Variants in RNF217 observed in about 807,000 individuals in gnomAD.
RNF217 encodes ring finger protein 217.
RNF217 carries 31 observed loss-of-function variants against 57.8 expected under a neutral mutation model. That is an observed-to-expected ratio of 0.54 (90% CI 0.40 to 0.72). The LOEUF is 0.72. Among genes scored for constraint, RNF217 ranks in the 30% least tolerant of loss-of-function variants. RNF217 has a pLI of 0.00. For missense variants in RNF217, 696 were observed against 708.3 expected (o/e 0.98, Z 0.20); for synonymous variants, 313 against 294.0 (o/e 1.06, Z -0.66).
At chr6:124,968,873 A>G (rs1286992545) in intron 1 of RNF217, among the ~76,000 whole-genome samples, 3 of 152,210 alleles carry the variant, frequency 2.0e-5, no homozygotes, top group Non-Finnish European at 4.4e-5. Context: ...ATTTCTTATA[A>G]TTATTCATTT....
At chr6:124,976,449 T>C (rs1258315451) in intron 1 of RNF217, among the ~76,000 whole-genome samples, 1 of 151,286 alleles carries the variant, frequency 6.6e-6, no homozygotes, top group East Asian at 1.9e-4. Context: ...TTTGTATTTT[T>C]AGTAGAGATG....
At position 125,035,355 on chromosome 6, in the gene RNF217, C is replaced by T. The variant is rs113010343; in HGVS notation, c.883-9856C>T. On this transcript the variant is annotated intron_variant, in intron 1 of 5. Coordinates refer to ENST00000521654, the MANE Select transcript of RNF217 (RefSeq NM_001286398.3). Reference sequence around the variant, plus strand: ...GGGTTTGTCATAGATAGCTCTCTCTCGGCAGAAACTCTACAAGCCAGAAGA... The same window carrying T: ...GGGTTTGTCATAGATAGCTCTCTCTTGGCAGAAACTCTACAAGCCAGAAGA... Among the ~76,000 whole-genome samples, 598 of 152,138 alleles carry T rather than the reference C, an allele frequency of 3.9e-3. 10 individuals carry two copies. Among genetic ancestry groups the T allele is most frequent in the African/African-American group, 0.014 (562 of 41,524 alleles).
chr6:124,978,137 T>G (rs760778618), intron 1 of RNF217, among the ~76,000 whole-genome samples: 2 of 152,136 alleles, frequency 1.3e-5, no homozygotes, highest in Non-Finnish European at 2.9e-5. Context: ...TCTTAGAAAC[T>G]TTAGAGCTTT....
chr6:125,050,024 A>T (rs557544699), intron 2 of RNF217, among the ~76,000 whole-genome samples: 1 of 152,072 alleles, frequency 6.6e-6, no homozygotes, highest in East Asian at 1.9e-4. Flanking sequence ...TGAACTTACG[A>T]AAATGAAAAA....
At chr6:125,024,630 G>T (rs940852716) in intron 1 of RNF217, among the ~76,000 whole-genome samples, 2 of 150,278 alleles carry the variant, frequency 1.3e-5, no homozygotes, top group African/African-American at 4.9e-5. Flanking sequence ...AGGCACGAGA[G>T]AATCTCTTGA....
intron 1 of RNF217, among the ~76,000 whole-genome samples, chr6:125,036,975 G>T (rs1045128346): frequency 6.7e-6 from 1 of 150,212 alleles, no homozygotes; most frequent in African/African-American, 2.4e-5. Flanking sequence ...CTTTTACACT[G>T]TTGGTGGGAG....
In RNF217 at chr6:125,045,437, A is replaced by G. The variant is rs1205172151; in HGVS notation, c.1109A>G (p.Lys370Arg). Reference protein sequence around the residue: ...HIPTPSRSESKYKIQCPTCQF... With the variant: ...HIPTPSRSESRYKIQCPTCQF... ...CCCACCCCTTCCAGATCAGAAAGCA[A>G]ATACAAAGTAAGCATTTTCACCAGA... is the stretch of plus-strand genomic sequence containing the variant. The change falls in exon 2 of 6, where the codon AAA (lysine) becomes AGA (arginine). Residue 370 changes from lysine to arginine, a missense_variant. Physicochemically the swap from Lys to Arg is conservative, Grantham distance 26. This residue lies in a region of RNF217 where 231 missense variants were observed against 321.4 expected (regional missense o/e 0.72). Transcript: ENST00000521654. The G allele has an allele frequency of 1.2e-6, 2 of 1,610,692 alleles. No individual in the cohort carries two copies. Among genetic ancestry groups the G allele is most frequent in the African/African-American group, 2.7e-5 (2 of 74,752 alleles).
chr6:125,038,604 C>T (rs926109191), intron 1 of RNF217, among the ~76,000 whole-genome samples: 2 of 151,944 alleles, frequency 1.3e-5, no homozygotes, highest in African/African-American at 4.8e-5. Context: ...TTAATTATCC[C>T]TAATAAAAAG....
In RNF217 at chr6:124,962,746, G is replaced by A; in HGVS notation, c.202G>A (p.Glu68Lys). ...GGGCTGCGCGGACACCAGCGCCCCA[G>A]AGCCCGCGAGGAGCCTGGGGCCCCC... ...DWGCADTSAP[E>K]PARSLGPPGW... Residue 68 changes from glutamate (E) to lysine (K), a missense_variant, in exon 1 of 6, where the codon GAG (glutamate) becomes AAG (lysine). This residue lies in a region of RNF217 where 465 missense variants were observed against 386.8 expected (regional missense o/e 1.20). Transcript: ENST00000521654. This position sits in a 1 kb window ranked among gnomAD's most constrained non-coding sequence, Gnocchi z 4.6. The A allele has an allele frequency of 6.3e-7, 1 of 1,585,186 alleles. No homozygotes were observed. The highest frequency in any genetic ancestry group is 2.3e-5 in the East Asian group (1 of 44,290).
intron 2 of RNF217, chr6:125,048,135 C>T (rs1445068706): frequency 6.5e-6 from 8 of 1,227,806 alleles, no homozygotes; most frequent in Non-Finnish European, 8.7e-6. Context: ...ATGCCCATAC[C>T]TGTCTGGGTA....
chr6:125,068,088 A>T (rs1788004925), intron 3 of RNF217, among the ~76,000 whole-genome samples: 1 of 152,158 alleles, frequency 6.6e-6, no homozygotes, highest in Non-Finnish European at 1.5e-5. Flanking sequence ...AAAAGTATTT[A>T]TTAAGAACAT....
intron 3 of RNF217, among the ~76,000 whole-genome samples, chr6:125,074,126 C>G (rs1788257194): frequency 6.6e-6 from 1 of 152,126 alleles, no homozygotes; most frequent in African/African-American, 2.4e-5. Flanking sequence ...ATTTTGAATA[C>G]ATAAAGTCCT....
intron 2 of RNF217, among the ~76,000 whole-genome samples, chr6:125,049,022 A>G (rs998080236): frequency 7.9e-5 from 12 of 152,058 alleles, no homozygotes; most frequent in African/African-American, 2.9e-4. Context: ...CTTCTCCCTA[A>G]AACTCTTGTC....
chr6:124,968,061 C>G (rs1783615881), intron 1 of RNF217, among the ~76,000 whole-genome samples: 1 of 152,168 alleles, frequency 6.6e-6, no homozygotes, highest in Non-Finnish European at 1.5e-5. Flanking sequence ...GGATTACAGG[C>G]ATGAGCCACC....
chr6:125,030,849 T>C (rs954190553), intron 1 of RNF217, among the ~76,000 whole-genome samples: 2 of 152,140 alleles, frequency 1.3e-5, no homozygotes, highest in African/African-American at 2.4e-5. Context: ...GGTGCCCCAA[T>C]AGGGACACTG....
At chr6:125,034,127 T>G (rs980768502) in intron 1 of RNF217, among the ~76,000 whole-genome samples, 4 of 152,202 alleles carry the variant, frequency 2.6e-5, no homozygotes, top group African/African-American at 9.6e-5. Context: ...TGCGAAAATT[T>G]TCTCCCATTT....
rs931313500 is a variant in RNF217 at position 124,962,634 on chromosome 6, C to T, written c.90C>T (p.Pro30=). The part of the protein sequence containing the change: ...LASGTAGHPE[P]PRPQGDSARA... Reference sequence around the variant, plus strand: ...GTGGCACTGCGGGCCACCCTGAGCCCCCGAGGCCTCAGGGGGACAGCGCCC... The same window carrying T: ...GTGGCACTGCGGGCCACCCTGAGCCTCCGAGGCCTCAGGGGGACAGCGCCC... The change falls in exon 1 of 6, where the codon CCC becomes CCT. Residue 30 remains proline (P), a synonymous_variant. Transcript: ENST00000521654. This position sits in a 1 kb window ranked among gnomAD's most constrained non-coding sequence, Gnocchi z 4.6. 1 of 1,324,682 alleles carries T rather than the reference C, an allele frequency of 7.5e-7. No homozygotes were observed. The highest frequency in any genetic ancestry group is 9.5e-7 in the Non-Finnish European group (1 of 1,048,514). The allele number at this position is 1,324,682 out of a possible 1,614,324, so 82.1% of individuals were successfully genotyped here. A position where few individuals can be genotyped will look rare whatever the true frequency, so the allele number is the denominator to read the frequency against.
intron 4 of RNF217, among the ~76,000 whole-genome samples, chr6:125,078,127 G>A (rs920245610): frequency 6.6e-5 from 10 of 152,134 alleles, no homozygotes; most frequent in South Asian, 2.1e-4. Flanking sequence ...AGTGCGTGCC[G>A]CTTCTTAATT....
intron 3 of RNF217, 68 bp from the exon 4 acceptor site, chr6:125,076,589 A>G: frequency 9.9e-7 from 1 of 1,011,424 alleles, no homozygotes; most frequent in Non-Finnish European, 1.6e-6. Context: ...GTTTCATAAA[A>G]TTTGCGATTT....
Sources: gnomAD v4.1 joint callset for allele counts (sites outside exome capture counted in the v4.1 genomes callset) on GRCh38, gnomAD v4.1.1 for gene constraint, gnomAD v4.1.1 regional missense constraint, Gnocchi (gnomAD v3.1) non-coding constraint, MANE v1.5 for transcripts, NCBI Gene and HGNC (gene_info 2026-07-23, HGNC 2026-07-21) for gene names.